Variants in KIF6 observed in about 807,000 individuals in gnomAD.
KIF6 encodes the protein kinesin-like protein KIF6.
In KIF6, 106 loss-of-function variants were observed where a neutral mutation model predicts 112.7. The ratio of observed to expected loss-of-function variants is 0.94; its 90% CI spans 0.80 to 1.11. The LOEUF (loss-of-function observed/expected upper bound fraction) is 1.11. KIF6 is among the 50% of genes least tolerant of loss of function. The probability of loss-of-function intolerance (pLI) is 0.00; values close to 1 mark genes in which losing one functional copy is unlikely to be tolerated. For missense variants in KIF6, 929 were observed against 964.0 expected, an observed-to-expected ratio of 0.96 and a Z score of 0.48; for synonymous variants, 339 against 339.9, an observed-to-expected ratio of 1.00 and a Z score of 0.03.
At chr6:39,553,301 C>G (rs947922265) in intron 10 of KIF6, among the ~76,000 whole-genome samples, 5 of 152,138 alleles carry the variant, frequency 3.3e-5, no homozygotes, top group African/African-American at 1.2e-4. Flanking sequence ...ATAGAGTTTT[C>G]CTTCTGTAGG....
chr6:39,366,214 TTTCA>T (rs1485641173), intron 16 of KIF6, among the ~76,000 whole-genome samples: 1 of 152,072 alleles, frequency 6.6e-6, no homozygotes, highest in African/African-American at 2.4e-5. Context: ...GCAACACCAC[TTTCA>T]TTCTCACCAC....
intron 18 of KIF6, among the ~76,000 whole-genome samples, 177 bp from the exon 19 acceptor site, chr6:39,357,551 C>T (rs1249727434): frequency 1.3e-5 from 2 of 150,982 alleles, no homozygotes; most frequent in Non-Finnish European, 2.9e-5. Context: ...TGGGTTCAAG[C>T]AATTCTCCTG....
chr6:39,532,320 T>C (rs1778121167), intron 13 of KIF6, among the ~76,000 whole-genome samples: 1 of 152,224 alleles, frequency 6.6e-6, no homozygotes, highest in Admixed American at 6.5e-5. Flanking sequence ...ATATAAGGAC[T>C]GTGTAAGCTG....
At chr6:39,430,793 A>G (rs1771098879) in intron 14 of KIF6, among the ~76,000 whole-genome samples, 1 of 152,236 alleles carries the variant, frequency 6.6e-6, no homozygotes, top group South Asian at 2.1e-4. Flanking sequence ...GTATGATGTG[A>G]GAATTGTAAA....
In KIF6 at chr6:39,343,382, G is replaced by A. The variant is rs1269601558; in HGVS notation, c.2428+327C>T. 2 of 1,329,218 alleles carry A rather than the reference G, an allele frequency of 1.5e-6. No individual in the cohort carries two copies. Among genetic ancestry groups the A allele is most frequent in the East Asian group, 9.4e-5 (2 of 21,306 alleles). 82.3% of individuals were successfully genotyped at this position (1,329,218 alleles called of 1,614,324 possible). The stretch of plus-strand genomic sequence containing the variant: ...ACTCAGCCCCTTCCTGTTTGTAGAA[G>A]CCTGAGCAGAGGAGACAGCTGACTT... On this transcript the variant is annotated intron_variant, in intron 22 of 22. Coordinates refer to ENST00000287152, the MANE Select transcript of KIF6 (RefSeq NM_145027.6). The surrounding 1 kb of genome is among the most constrained non-coding windows in gnomAD (Gnocchi z 4.1).
chr6:39,401,477 C>T (rs1300668404), intron 15 of KIF6, among the ~76,000 whole-genome samples: 1 of 152,140 alleles, frequency 6.6e-6, no homozygotes, highest in Non-Finnish European at 1.5e-5. Context: ...AGCCATTTTC[C>T]ACTATGGGCA....
In KIF6 at chr6:39,336,550, T is replaced by C; in HGVS notation, c.2429-2A>G. 1 of 1,613,786 alleles carries C rather than the reference T, an allele frequency of 6.2e-7. No homozygotes were observed. The highest frequency in any genetic ancestry group is 1.1e-5 in the South Asian group (1 of 91,058). ...TGGAAATTCAATTGCTTCCCAAACCTGAAAGGGAGACAGGATGCTTTTGGT... is the reference window on the plus strand; with the variant it reads ...TGGAAATTCAATTGCTTCCCAAACCCGAAAGGGAGACAGGATGCTTTTGGT... On this transcript the variant is annotated splice_acceptor_variant, in intron 22 of 22. Coordinates refer to ENST00000287152, the MANE Select transcript of KIF6 (RefSeq NM_145027.6). LOFTEE classifies it high-confidence loss of function.
chr6:39,337,239 T>TTTCTTTCTTTC lies in KIF6; in HGVS notation c.2429-692_2429-691insGAAAGAAAGAA, dbSNP rs1763075290. ...TCTTTCTTTCTTTCTTTCTTTCTTTTTCTTTCTTTTCTTTCCCTCCCTCCC... is the reference window on the plus strand; with the variant it reads ...TCTTTCTTTCTTTCTTTCTTTCTTTTTTCTTTCTTTCTCTTTCTTTTCTTTCCCTCCCTCCC... On this transcript the variant is annotated intron_variant, in intron 22 of 22. Coordinates refer to ENST00000287152, the MANE Select transcript of KIF6 (RefSeq NM_145027.6). Among the ~76,000 whole-genome samples, 15 of 93,038 alleles carry TTTCTTTCTTTC rather than the reference T, an allele frequency of 1.6e-4. 1 individual carries two copies. The highest frequency in any genetic ancestry group is 2.6e-4 in the Non-Finnish European group (13 of 50,354). The allele number at this position is 93,038 out of a possible 152,430, so 61.0% of individuals were successfully genotyped here. A position where few individuals can be genotyped will look rare whatever the true frequency, so the allele number is the denominator to read the frequency against.
intron 13 of KIF6, among the ~76,000 whole-genome samples, chr6:39,447,134 A>G (rs1183017906): frequency 6.6e-6 from 1 of 152,206 alleles, no homozygotes; most frequent in African/African-American, 2.4e-5. Flanking sequence ...TGAAATGGTC[A>G]GTCTGCCTCT....
chr6:39,352,037 C>T (rs1764282330), intron 19 of KIF6, among the ~76,000 whole-genome samples: 1 of 152,224 alleles, frequency 6.6e-6, no homozygotes, highest in Non-Finnish European at 1.5e-5. Flanking sequence ...GTGCAGGGCA[C>T]AAATGCTAAG....
chr6:39,493,039 C>A (rs1274308366), intron 13 of KIF6, among the ~76,000 whole-genome samples: 3 of 152,190 alleles, frequency 2.0e-5, no homozygotes, highest in Non-Finnish European at 4.4e-5. Flanking sequence ...TTGCCCAGCA[C>A]ATGATTCAGG....
At chr6:39,394,321 T>C (rs771351323) in intron 15 of KIF6, among the ~76,000 whole-genome samples, 2 of 152,212 alleles carry the variant, frequency 1.3e-5, no homozygotes, top group Non-Finnish European at 2.9e-5. Context: ...GGAAATGTGA[T>C]GTTACTATAG....
intron 3 of KIF6, 39 bp from the exon 4 acceptor site, chr6:39,639,796 G>A (rs370305709): frequency 6.4e-6 from 10 of 1,570,156 alleles, no homozygotes; most frequent in South Asian, 1.2e-5. Flanking sequence ...TATCAACATG[G>A]CTAACTGCAT....
intron 3 of KIF6, among the ~76,000 whole-genome samples, chr6:39,706,085 T>C (rs1789192818): frequency 6.6e-6 from 1 of 152,242 alleles, no homozygotes; most frequent in South Asian, 2.1e-4. Flanking sequence ...ATTTTACCGC[T>C]GACCCAGTAA....
intron 17 of KIF6, among the ~76,000 whole-genome samples, 164 bp from the exon 18 acceptor site, chr6:39,360,694 C>A (rs1016536375): frequency 6.6e-6 from 1 of 152,154 alleles, no homozygotes; most frequent in Admixed American, 6.5e-5. Context: ...GCTATGGCAC[C>A]AGGGTTTGAG....
At chr6:39,421,398 G>A (rs141809484) in intron 14 of KIF6, among the ~76,000 whole-genome samples, 9 of 152,150 alleles carry the variant, frequency 5.9e-5, no homozygotes, top group South Asian at 2.1e-4. Flanking sequence ...CTCCTCCTCC[G>A]CACTCTTCTC....
chr6:39,677,676 T>TC (rs1332374094), intron 3 of KIF6, among the ~76,000 whole-genome samples: 9 of 93,868 alleles, frequency 9.6e-5, no homozygotes, highest in African/African-American at 4.3e-4. Flanking sequence ...ATGCTATCCC[T>TC]CCCCCCTCCC....
At chr6:39,574,490 C>T (rs1425943366) in intron 10 of KIF6, among the ~76,000 whole-genome samples, 1 of 152,106 alleles carries the variant, frequency 6.6e-6, no homozygotes, top group Non-Finnish European at 1.5e-5. Flanking sequence ...GTTTCCTTAG[C>T]ACTAGATGTT....
intron 14 of KIF6, among the ~76,000 whole-genome samples, chr6:39,430,465 G>T (rs568657271): frequency 1.3e-5 from 2 of 152,228 alleles, no homozygotes; most frequent in South Asian, 4.2e-4. Context: ...TACAGTTTGA[G>T]GATATGCATA....
Sources: allele counts gnomAD v4.1 joint callset (sites outside exome capture counted in the v4.1 genomes callset), GRCh38; gene constraint gnomAD v4.1.1; non-coding constraint Gnocchi (gnomAD v3.1); transcripts MANE v1.5; gene names NCBI Gene and HGNC (gene_info 2026-07-23, HGNC 2026-07-21).